Variants in FOCAD observed in about 807,000 individuals in gnomAD.
FOCAD encodes KIAA1797.
FOCAD carries 198 observed loss-of-function variants against 225.6 expected under a neutral mutation model. The observed-to-expected ratio is 0.88, with a 90% CI of 0.78 to 0.99. FOCAD has a LOEUF of 0.99. FOCAD is among the 50% of genes least tolerant of loss of function. FOCAD has a pLI of 0.00. For missense variants in FOCAD, 2,713 were observed against 2,123.6 expected, an observed-to-expected ratio of 1.28 and a Z score of -5.46; for synonymous variants, 897 against 755.0, an observed-to-expected ratio of 1.19 and a Z score of -3.08.
intron 41 of FOCAD, among the ~76,000 whole-genome samples, chr9:20,989,921 C>T (rs944124229): frequency 6.6e-6 from 1 of 152,100 alleles, no homozygotes; most frequent in Non-Finnish European, 1.5e-5. Flanking sequence ...TCTTCTAAAG[C>T]CCCAAAATGT....
intron 35 of FOCAD, among the ~76,000 whole-genome samples, chr9:20,961,844 T>A (rs540896286): frequency 2.8e-4 from 43 of 152,308 alleles, no homozygotes; most frequent in African/African-American, 9.6e-4. Flanking sequence ...CTTCCTGATT[T>A]TAAGAGGCCT....
intron 43 of FOCAD, among the ~76,000 whole-genome samples, chr9:20,994,589 G>T (rs1841919728): frequency 6.6e-6 from 1 of 152,202 alleles, no homozygotes; most frequent in African/African-American, 2.4e-5. Context: ...AGGCATGTGT[G>T]TGCTGCAACA....
intron 26 of FOCAD, chr9:20,927,978 T>C (rs1835117310): frequency 6.6e-6 from 1 of 151,684 alleles, no homozygotes; most frequent in Non-Finnish European, 1.5e-5. Context: ...TACCAGATGA[T>C]GTAGAATTAA....
At chr9:20,850,110 A>T (rs1346335359) in intron 15 of FOCAD, among the ~76,000 whole-genome samples, 1 of 151,764 alleles carries the variant, frequency 6.6e-6, no homozygotes, top group African/African-American at 2.4e-5. Flanking sequence ...ATGCAACTCA[A>T]AATTTAAAAA....
At chr9:20,742,173 C>T (rs1827678585) in intron 5 of FOCAD, among the ~76,000 whole-genome samples, 1 of 152,122 alleles carries the variant, frequency 6.6e-6, no homozygotes, top group South Asian at 2.1e-4. Flanking sequence ...CATTGGTGCC[C>T]ATTAGAACCA....
At chr9:20,926,274 C>G (rs767848236) in intron 25 of FOCAD, 27 bp from the exon 26 acceptor site, 3 of 1,276,600 alleles carry the variant, frequency 2.3e-6, no homozygotes, top group Admixed American at 1.7e-5. Flanking sequence ...TCTCTGTAAT[C>G]ATTTCATGTT....
intron 35 of FOCAD, among the ~76,000 whole-genome samples, chr9:20,966,988 T>A (rs1486852156): frequency 2.0e-5 from 3 of 151,694 alleles, no homozygotes; most frequent in East Asian, 1.9e-4. Flanking sequence ...TTCAAGATAT[T>A]TTTTTTTAGG....
intron 35 of FOCAD, among the ~76,000 whole-genome samples, chr9:20,962,204 A>C (rs1481385846): frequency 6.6e-6 from 1 of 152,088 alleles, no homozygotes; most frequent in African/African-American, 2.4e-5. Flanking sequence ...ATATATTTTC[A>C]TGGTGCGTAA....
At chr9:20,848,136 A>T (rs1827298377) in intron 15 of FOCAD, among the ~76,000 whole-genome samples, 1 of 151,280 alleles carries the variant, frequency 6.6e-6, no homozygotes, top group Non-Finnish European at 1.5e-5. Context: ...CATGGTATGG[A>T]ATCCTTCAGA....
At chr9:20,823,234 A>T (rs751965555) in intron 15 of FOCAD, 119 bp downstream of exon 15, 90 of 1,179,202 alleles carry the variant, frequency 7.6e-5, no homozygotes, top group Non-Finnish European at 1.0e-4. Flanking sequence ...TTCCCAGTGA[A>T]TTTTTTCTTG....
At chr9:20,796,365 T>C (rs887652176) in intron 11 of FOCAD, among the ~76,000 whole-genome samples, 11 of 152,214 alleles carry the variant, frequency 7.2e-5, no homozygotes, top group Non-Finnish European at 5.9e-5. Flanking sequence ...GTATTTCTAG[T>C]TCTAGCTCCC....
At chr9:20,759,341 A>G (rs535365323) in intron 6 of FOCAD, among the ~76,000 whole-genome samples, 222 of 152,344 alleles carry the variant, frequency 1.5e-3, no homozygotes, top group Middle Eastern at 3.4e-3. Flanking sequence ...CCAAAACAGC[A>G]TGGTACTGGT....
chr9:20,962,589 G>A (rs1290660407), intron 35 of FOCAD, among the ~76,000 whole-genome samples: 1 of 152,140 alleles, frequency 6.6e-6, no homozygotes, highest in Non-Finnish European at 1.5e-5. Flanking sequence ...CTTGTTGCCA[G>A]ACTTTTACTC....
chr9:20,767,331 T>C (rs1339219010), intron 7 of FOCAD, among the ~76,000 whole-genome samples: 5 of 144,302 alleles, frequency 3.5e-5, no homozygotes, highest in Admixed American at 3.4e-4. Flanking sequence ...GTCCTTTGGG[T>C]ATATACCCAG....
rs534496290 is a variant in FOCAD at position 20,772,150 on chromosome 9, G to A, written c.906+1912G>A. On this transcript the variant is annotated intron_variant, in intron 8 of 43. Coordinates refer to ENST00000338382, the MANE Select transcript of FOCAD (RefSeq NM_001375567.1). The stretch of plus-strand genomic sequence containing the variant: ...GATTGATTAGATGGTCAAGGAGAAG[G>A]GTCCTTGATAGAATCTCAGCTTTCT... 2.0e-5 allele frequency among the ~76,000 whole-genome samples: 3 copies of A among 152,244 alleles called. No individual in the cohort carries two copies. The East Asian group carries it at 5.8e-4, about 29-fold the overall frequency.
At chr9:20,819,730 A>G (rs915666629) in intron 11 of FOCAD, 66 bp from the exon 12 acceptor site, 1 of 784,360 alleles carries the variant, frequency 1.3e-6, no homozygotes, top group Non-Finnish European at 1.9e-6. Context: ...AAAGAGATAA[A>G]TATTCCATTA....
At chr9:20,686,901 A>G (rs952840020) in intron 1 of FOCAD, among the ~76,000 whole-genome samples, 2 of 152,298 alleles carry the variant, frequency 1.3e-5, no homozygotes, top group African/African-American at 4.8e-5. Flanking sequence ...GATTTGAAAC[A>G]ACAAAGTTTT....
chr9:20,912,578 G>T (rs1403540903), intron 22 of FOCAD, among the ~76,000 whole-genome samples: 1 of 152,010 alleles, frequency 6.6e-6, no homozygotes, highest in Non-Finnish European at 1.5e-5. Context: ...TTTTTTAAAT[G>T]GGGTCTCTGA....
At chr9:20,772,545 G>T (rs1374405930) in intron 8 of FOCAD, among the ~76,000 whole-genome samples, 1 of 152,170 alleles carries the variant, frequency 6.6e-6, no homozygotes, top group Non-Finnish European at 1.5e-5. Context: ...CTCAATAAGA[G>T]GGAGTGGTCA....
Sources: allele counts gnomAD v4.1 joint callset (sites outside exome capture counted in the v4.1 genomes callset), GRCh38; gene constraint gnomAD v4.1.1; transcripts MANE v1.5; gene names NCBI Gene and HGNC (gene_info 2026-07-23, HGNC 2026-07-21).